Variants in MANEA observed in about 807,000 individuals in gnomAD.
MANEA encodes glycoprotein endo-alpha-1,2-mannosidase.
Under a neutral mutation model 36.8 loss-of-function variants are expected in MANEA, and 25 were observed. The observed-to-expected ratio is 0.68, with a 90% CI of 0.50 to 0.95. The LOEUF is 0.95. MANEA is among the 40% of genes least tolerant of loss of function. The probability of loss-of-function intolerance (pLI) is 0.00; values close to 1 mark genes in which losing one functional copy is unlikely to be tolerated. For synonymous variants in MANEA, 198 were observed against 188.5 expected, an observed-to-expected ratio of 1.05 and a Z score of -0.41; for missense variants, 565 against 558.8, an observed-to-expected ratio of 1.01 and a Z score of -0.11.
intron 3 of MANEA, among the ~76,000 whole-genome samples, chr6:95,601,684 T>C (rs1769593304): frequency 6.7e-6 from 1 of 148,230 alleles, no homozygotes; most frequent in Admixed American, 6.8e-5. Context: ...AAATCATTCA[T>C]CTAAGTAAAA....
At chr6:95,592,929 CAA>C (rs1037368049) in intron 2 of MANEA, among the ~76,000 whole-genome samples, 2 of 151,712 alleles carry the variant, frequency 1.3e-5, no homozygotes, top group Non-Finnish European at 2.9e-5. Context: ...TTACTAACAA[CAA>C]AAAAAATTGA....
intron 3 of MANEA, among the ~76,000 whole-genome samples, 167 bp downstream of exon 3, chr6:95,597,013 T>C (rs1172514484): frequency 6.6e-6 from 1 of 152,004 alleles, no homozygotes; most frequent in African/African-American, 2.4e-5. Flanking sequence ...TTCAATCTTA[T>C]CTAAATTATA....
intron 1 of MANEA, among the ~76,000 whole-genome samples, chr6:95,585,086 A>C (rs974048558): frequency 8.5e-5 from 13 of 152,298 alleles, no homozygotes; most frequent in African/African-American, 2.4e-4. Context: ...ATATAAAAAG[A>C]CTTGAATATT....
intron 1 of MANEA, 28 bp downstream of exon 1, chr6:95,577,666 T>G (rs1236544559): frequency 6.6e-6 from 1 of 152,210 alleles, no homozygotes; most frequent in African/African-American, 2.4e-5. Context: ...TCAGACCTCT[T>G]GGAGGCGGCG....
intron 3 of MANEA, among the ~76,000 whole-genome samples, chr6:95,600,953 T>G (rs1769576573): frequency 6.6e-6 from 1 of 152,232 alleles, no homozygotes; most frequent in Non-Finnish European, 1.5e-5. Flanking sequence ...TTATTTTAAG[T>G]AAGTGCCTTT....
chr6:95,581,385 C>T (rs1769179505), intron 1 of MANEA, among the ~76,000 whole-genome samples: 1 of 151,922 alleles, frequency 6.6e-6, no homozygotes, highest in African/African-American at 2.4e-5. Flanking sequence ...TAAGAAATTA[C>T]ATTCATAGGC....
At chr6:95,585,852 C>A (rs979412282) in intron 1 of MANEA, among the ~76,000 whole-genome samples, 7 of 151,950 alleles carry the variant, frequency 4.6e-5, no homozygotes, top group Non-Finnish European at 1.0e-4. Flanking sequence ...GTAAATTTTA[C>A]ACTTAGATTT....
chr6:95,587,936 T>C (rs931534281), intron 2 of MANEA, among the ~76,000 whole-genome samples: 2 of 152,088 alleles, frequency 1.3e-5, no homozygotes, highest in Middle Eastern at 3.2e-3. Context: ...TTCTGGCTTA[T>C]GTTATTCATT....
intron 1 of MANEA, among the ~76,000 whole-genome samples, chr6:95,585,135 C>CAT (rs60159619): frequency 0.064 from 9,565 of 150,276 alleles, 334 homozygotes; most frequent in African/African-American, 0.076. Context: ...TACTTATACT[C>CAT]ATATATATAT....
chr6:95,582,496 C>T (rs1266377072), intron 1 of MANEA, among the ~76,000 whole-genome samples: 1 of 152,018 alleles, frequency 6.6e-6, no homozygotes, highest in Non-Finnish European at 1.5e-5. Flanking sequence ...CCTTTTATAC[C>T]TGTTAGTGCA....
rs1278033825 is a variant in MANEA, at chr6:95,578,526, A to G, written c.-39+888A>G. Among the ~76,000 whole-genome samples, 5 of 152,292 alleles carry G rather than the reference A, an allele frequency of 3.3e-5. No homozygotes were observed. The South Asian group carries it at 8.3e-4, about 25-fold the overall frequency. On this transcript the variant is annotated intron_variant, in intron 1 of 4. Coordinates refer to ENST00000358812, the MANE Select transcript of MANEA (RefSeq NM_024641.4). ...AAAACCTAGATATTGGTGATACTGT[A>G]TCACGTTGTTTGCAAATCACTTTCA...
At chr6:95,591,535 T>A (rs1428446383) in intron 2 of MANEA, among the ~76,000 whole-genome samples, 1 of 152,084 alleles carries the variant, frequency 6.6e-6, no homozygotes, top group African/African-American at 2.4e-5. Flanking sequence ...CTGCATTTAA[T>A]TTTTTTCTTT....
intron 1 of MANEA, among the ~76,000 whole-genome samples, chr6:95,578,975 TA>T (rs1769127656): frequency 6.6e-6 from 1 of 152,212 alleles, no homozygotes; most frequent in Non-Finnish European, 1.5e-5. Flanking sequence ...TGCTCCTTGC[TA>T]GGTGATTAAC....
intron 2 of MANEA, among the ~76,000 whole-genome samples, chr6:95,596,166 T>C (rs1769477434): frequency 1.3e-5 from 2 of 152,006 alleles, no homozygotes; most frequent in South Asian, 4.1e-4. Context: ...AAAAGCTTAG[T>C]TATTGGCAGG....
chr6:95,600,681 C>A (rs1175888966), intron 3 of MANEA, among the ~76,000 whole-genome samples: 1 of 152,170 alleles, frequency 6.6e-6, no homozygotes, highest in African/African-American at 2.4e-5. Flanking sequence ...TGTGTGCTGA[C>A]AAATTGGAGC....
Position 95,606,045 on chromosome 6 carries a change from A to T in MANEA, c.1029A>T (p.Leu343Phe), listed in dbSNP as rs533843112. The T allele has an allele frequency of 2.7e-5, 43 of 1,614,084 alleles. No homozygotes were observed. Among genetic ancestry groups the T allele is most frequent in the Non-Finnish European group, 3.5e-5 (41 of 1,179,970 alleles). Reference protein sequence around the residue: ...SSHQNWASLKLFCDKYNLIFI... With the variant: ...SSHQNWASLKFFCDKYNLIFI... Reference sequence around the variant, plus strand: ...ATCAGAATTGGGCTAGCCTAAAATTATTTTGTGATAAATACAACTTAATAT... The same window carrying T: ...ATCAGAATTGGGCTAGCCTAAAATTTTTTTGTGATAAATACAACTTAATAT... Residue 343 changes from leucine (L) to phenylalanine (F), a missense_variant, in exon 5 of 5, where the codon TTA becomes TTT. Coordinates refer to ENST00000358812, the MANE Select transcript of MANEA (RefSeq NM_024641.4).
At chr6:95,580,376 G>A (rs182614323) in intron 1 of MANEA, among the ~76,000 whole-genome samples, 10 of 152,186 alleles carry the variant, frequency 6.6e-5, no homozygotes, top group Admixed American at 3.9e-4. Context: ...TGAAACTTAA[G>A]GAGCAATCTA....
At position 95,608,033 on chromosome 6, in the gene MANEA, C is replaced by G. The variant is rs1426207998; in HGVS notation, c.*1628C>G. 1.3e-5 allele frequency: 2 copies of G among 151,740 alleles called. No individual in the cohort carries two copies. Among genetic ancestry groups the G allele is most frequent in the East Asian group, 1.9e-4 (1 of 5,174 alleles). The allele number at this position is 151,740 out of a possible 1,614,324, so 9.4% of individuals were successfully genotyped here. A position where few individuals can be genotyped will look rare whatever the true frequency, so the allele number is the denominator to read the frequency against. ...TTTAAAATTTTGGAATTTGCCATTT[C>G]TCAGAGAATGATCAGGCCTTAGGAA... On this transcript the variant is annotated 3_prime_UTR_variant, in exon 5 of 5. Coordinates refer to ENST00000358812, the MANE Select transcript of MANEA (RefSeq NM_024641.4).
At chr6:95,581,396 AAG>A (rs966741510) in intron 1 of MANEA, among the ~76,000 whole-genome samples, 15 of 152,172 alleles carry the variant, frequency 9.9e-5, no homozygotes, top group African/African-American at 2.4e-4. Context: ...ATTCATAGGC[AAG>A]AGAGAGAGAA....
Sources: gnomAD v4.1 joint callset for allele counts (sites outside exome capture counted in the v4.1 genomes callset) on GRCh38, gnomAD v4.1.1 for gene constraint, MANE v1.5 for transcripts, NCBI Gene and HGNC (gene_info 2026-07-23, HGNC 2026-07-21) for gene names.